Variants in RYR3 observed in about 807,000 individuals in gnomAD.
RYR3 encodes ryanodine receptor 3, also known as brain ryanodine receptor-calcium release channel.
In RYR3, 207 loss-of-function variants were observed where a neutral mutation model predicts 584.3. The ratio of observed to expected loss-of-function variants is 0.35; its 90% confidence interval spans 0.32 to 0.40. The LOEUF (loss-of-function observed/expected upper bound fraction) is 0.40, where lower values mean the gene tolerates loss of function less well. Among genes scored for constraint, RYR3 ranks in the 10% least tolerant of loss-of-function variants. RYR3 has a pLI of 1.00. For missense variants in RYR3, 5,616 were observed against 6,089.2 expected (o/e 0.92, Z 2.59); for synonymous variants, 2,416 against 2,248.5 (o/e 1.07, Z -2.11).
chr15:33,678,572 A>G (rs1025512399), intron 38 of RYR3, among the ~76,000 whole-genome samples: 18 of 152,228 alleles, frequency 1.2e-4, no homozygotes, highest in African/African-American at 4.3e-4. Context: ...GGACTAATAC[A>G]TTATGATAAT....
At chr15:33,434,880 C>A (rs574022196) in intron 1 of RYR3, among the ~76,000 whole-genome samples, 1 of 152,042 alleles carries the variant, frequency 6.6e-6, no homozygotes, top group Admixed American at 6.6e-5. Context: ...TGCAGTGGTG[C>A]GATCTTGGCT....
intron 2 of RYR3, among the ~76,000 whole-genome samples, chr15:33,498,317 G>A (rs1388609255): frequency 6.6e-6 from 1 of 152,142 alleles, no homozygotes; most frequent in East Asian, 1.9e-4. Flanking sequence ...GTGTATAAGA[G>A]TTTTCTCTTC....
intron 92 of RYR3, among the ~76,000 whole-genome samples, chr15:33,844,019 G>A (rs769992227): frequency 5.9e-5 from 9 of 152,182 alleles, no homozygotes; most frequent in South Asian, 2.1e-4. Context: ...TTAAATGAAG[G>A]TTTTGAACAT....
chr15:33,387,744 A>G (rs1247423270), intron 1 of RYR3, among the ~76,000 whole-genome samples: 1 of 152,144 alleles, frequency 6.6e-6, no homozygotes, highest in African/African-American at 2.4e-5. Context: ...CTGCATCCAT[A>G]GAACAAAATG....
chr15:33,793,248 C>T (rs920736912), intron 67 of RYR3, among the ~76,000 whole-genome samples: 1 of 152,202 alleles, frequency 6.6e-6, no homozygotes, highest in Non-Finnish European at 1.5e-5. Flanking sequence ...ACACACCACC[C>T]TCCCTGCCCA....
intron 32 of RYR3, among the ~76,000 whole-genome samples, chr15:33,656,257 A>G (rs1457249500): frequency 6.6e-6 from 1 of 152,258 alleles, no homozygotes; most frequent in African/African-American, 2.4e-5. Flanking sequence ...CCTCAAATAC[A>G]AAAGGGAAAC....
intron 66 of RYR3, among the ~76,000 whole-genome samples, chr15:33,787,167 CTACT>C (rs1356421099): frequency 2.6e-5 from 4 of 152,174 alleles, no homozygotes; most frequent in Non-Finnish European, 5.9e-5. Context: ...TTCAGACAGG[CTACT>C]TACTTCTTGG....
At chr15:33,497,354 G>C (rs1237458390) in intron 2 of RYR3, among the ~76,000 whole-genome samples, 1 of 151,992 alleles carries the variant, frequency 6.6e-6, no homozygotes, top group African/African-American at 2.4e-5. Flanking sequence ...TTTGCTTTCT[G>C]TCCCATCCAG....
chr15:33,858,087 C>G (rs1024600507), intron 99 of RYR3, 173 bp downstream of exon 99: 96 of 858,182 alleles, frequency 1.1e-4, no homozygotes, highest in Admixed American at 4.4e-4. Context: ...AGGAGAGTGT[C>G]CTGGGAAGAC....
chr15:33,754,994 A>AG, intron 57 of RYR3, 71 bp from the exon 58 acceptor site: 1 of 786,184 alleles, frequency 1.3e-6, no homozygotes, highest in Non-Finnish European at 2.2e-6. Context: ...CAACACTGGT[A>AG]GGACTGGTGG....
At chr15:33,830,736 A>T (rs918470849) in intron 85 of RYR3, 2 of 378,334 alleles carry the variant, frequency 5.3e-6, no homozygotes, top group Non-Finnish European at 9.4e-6. Context: ...TCCAAGTTCC[A>T]GCTGAAGGCA....
chr15:33,723,806 T>C (rs181453234), intron 44 of RYR3, among the ~76,000 whole-genome samples: 2 of 152,246 alleles, frequency 1.3e-5, no homozygotes, highest in South Asian at 2.1e-4. Context: ...GTAGGAGTTA[T>C]GGTCTGATGA....
At chr15:33,645,156 T>C (rs758275593) in intron 28 of RYR3, among the ~76,000 whole-genome samples, 7 of 152,214 alleles carry the variant, frequency 4.6e-5, no homozygotes, top group Non-Finnish European at 8.8e-5. Flanking sequence ...GTTGCCAGGA[T>C]TTTAAGCTGA....
chr15:33,724,220 C>T, intron 45 of RYR3, 44 bp downstream of exon 45: 1 of 1,051,940 alleles, frequency 9.5e-7, no homozygotes, highest in Non-Finnish European at 1.4e-6. Context: ...GAAACCTATG[C>T]CAAGAACACT....
intron 77 of RYR3, 129 bp from the exon 78 acceptor site, chr15:33,820,627 T>G: frequency 1.4e-6 from 1 of 717,898 alleles, no homozygotes; most frequent in African/African-American, 1.8e-5. Context: ...TTCCTGGCTT[T>G]ACACAACGCT....
In RYR3 at chr15:33,865,145, G is replaced by C. The variant is rs1567374259; in HGVS notation, c.14532G>C (p.Trp4844Cys). Reference protein sequence around the residue: ...TEHTGQESYVWKMYQERCWDF... With the variant: ...TEHTGQESYVCKMYQERCWDF... ...TATTATTTCAGGAATCTTATGTCTG[G>C]AAGATGTACCAAGAAAGGTGTTGGG... is the stretch of plus-strand genomic sequence containing the variant. The change falls in exon 104 of 104, where the codon TGG becomes TGC. Residue 4844 changes from tryptophan to cysteine, a missense_variant. Physicochemically the swap from Trp to Cys is radical, Grantham distance 215 (BLOSUM62 -2). This residue lies in a region of RYR3 where 918 missense variants were observed against 887.4 expected (regional missense o/e 1.03). Coordinates refer to ENST00000634891, the MANE Select transcript of RYR3 (RefSeq NM_001036.6). 3.1e-6 allele frequency: 5 copies of C among 1,613,216 alleles called. No individual in the cohort carries two copies. In the African/African-American group the frequency reaches 6.7e-5, roughly 22 times the overall value.
At chr15:33,826,575 G>A in intron 83 of RYR3, 97 bp from the exon 84 acceptor site, 1 of 1,115,792 alleles carries the variant, frequency 9.0e-7, no homozygotes, top group Non-Finnish European at 1.4e-6. Flanking sequence ...AAACCATTCT[G>A]ACACAACTCC....
At position 33,378,964 on chromosome 15, in the gene RYR3, CA is replaced by C. The variant is rs113441340; in HGVS notation, c.51+67880del. Among the ~76,000 whole-genome samples, 1,040 of 140,164 alleles carry C rather than the reference CA, an allele frequency of 7.4e-3. 8 individuals are homozygous for C. The highest frequency in any genetic ancestry group is 0.019 in the African/African-American group (725 of 38,324). The allele number at this position is 140,164 out of a possible 152,430, so 92.0% of individuals were successfully genotyped here. ...TGGGCAATAAAGTGAGACCTCATCT[CA>C]AAAAAAAAAAAGTGTGTTTTAATAT... On this transcript the variant is annotated intron_variant, in intron 1 of 103. Coordinates refer to ENST00000634891, the MANE Select transcript of RYR3 (RefSeq NM_001036.6).
chr15:33,498,361 C>T (rs1369934946), intron 2 of RYR3, among the ~76,000 whole-genome samples: 1 of 152,132 alleles, frequency 6.6e-6, no homozygotes, highest in African/African-American at 2.4e-5. Flanking sequence ...GATTTTTTGT[C>T]ATCTTGATAG....
Sources: allele counts gnomAD v4.1 joint callset (sites outside exome capture counted in the v4.1 genomes callset), GRCh38; gene constraint gnomAD v4.1.1; regional missense constraint gnomAD v4.1.1; transcripts MANE v1.5; gene names NCBI Gene and HGNC (gene_info 2026-07-23, HGNC 2026-07-21).